The following TRAK2 variants were observed in gnomAD, a reference collection of about 807,000 sequenced individuals.
TRAK2 encodes the protein trafficking kinesin-binding protein 2.
Under a neutral mutation model 104.6 loss-of-function variants are expected in TRAK2, and 81 were observed. That is an observed-to-expected ratio of 0.77 (90% confidence interval 0.65 to 0.93). TRAK2 has a LOEUF of 0.93. Ranked by LOEUF, TRAK2 falls within the 40% of genes least tolerant of loss-of-function variation. The probability of loss-of-function intolerance (pLI) is 0.00; values close to 1 mark genes in which losing one functional copy is unlikely to be tolerated. For synonymous variants in TRAK2, 406 were observed against 394.4 expected (o/e 1.03, Z -0.35); for missense variants, 1,002 against 1,089.0 (o/e 0.92, Z 1.12).
chr2:201,389,216 G>C, intron 12 of TRAK2, 84 bp downstream of exon 12: 2 of 1,279,630 alleles, frequency 1.6e-6, no homozygotes, highest in Non-Finnish European at 2.3e-6. Flanking sequence ...TGGGACAGTA[G>C]AGTAATGCTG....
chr2:201,395,469 A>T (rs897614282), intron 7 of TRAK2, 25 bp from the exon 8 acceptor site: 15 of 1,491,678 alleles, frequency 1.0e-5, no homozygotes, highest in East Asian at 9.2e-5. Context: ...AAATTTTTTT[A>T]AATTAATACA....
At chr2:201,405,759 C>G (rs1372136585) in intron 3 of TRAK2, among the ~76,000 whole-genome samples, 2 of 152,114 alleles carry the variant, frequency 1.3e-5, no homozygotes, top group Non-Finnish European at 2.9e-5. Context: ...CCGAGGCAAG[C>G]AGATCACAAG....
At chr2:201,431,108 C>G (rs1388977204) in intron 1 of TRAK2, among the ~76,000 whole-genome samples, 1 of 152,144 alleles carries the variant, frequency 6.6e-6, no homozygotes, top group East Asian at 1.9e-4. Context: ...AAACTGTGCT[C>G]CTGCTAATAA....
At position 201,389,340 on chromosome 2, in the gene TRAK2, A is replaced by G; in HGVS notation, c.1357T>C (p.Ser453Pro). Residue 453 changes from serine to proline, a missense_variant, in exon 12 of 16, where the codon TCA (serine) becomes CCA (proline). Physicochemically the swap from Ser to Pro is moderately conservative, Grantham distance 74. Transcript: ENST00000332624. ...GAGCTGCTCCCCTGGTTCAGGAGTG[A>G]TTTGTCCTCTGTTTGCTGAAGACCA... ...ESGLQQTEDK[S>P]LLNQGSSSEE... The G allele has an allele frequency of 6.2e-7, 1 of 1,614,104 alleles. No homozygotes were observed. Among genetic ancestry groups the G allele is most frequent in the Non-Finnish European group, 8.5e-7 (1 of 1,180,032 alleles).
At chr2:201,401,228 ATGTG>A in intron 3 of TRAK2, 134 bp from the exon 4 acceptor site, 1 of 520,690 alleles carries the variant, frequency 1.9e-6, no homozygotes, top group Admixed American at 3.6e-5. Context: ...ATAAAAATAT[ATGTG>A]AAAAAAAAGA....
chr2:201,443,299 T>C (rs1180976260), intron 1 of TRAK2, among the ~76,000 whole-genome samples: 1 of 152,210 alleles, frequency 6.6e-6, no homozygotes, highest in Non-Finnish European at 1.5e-5. Flanking sequence ...TCTTAATTGT[T>C]ATCTGATGTC....
chr2:201,445,449 T>G (rs1951957648), intron 1 of TRAK2, among the ~76,000 whole-genome samples: 1 of 152,254 alleles, frequency 6.6e-6, no homozygotes, highest in South Asian at 2.1e-4. Context: ...GGGACAGCTC[T>G]AATGATCTGG....
intron 2 of TRAK2, among the ~76,000 whole-genome samples, chr2:201,420,201 G>C (rs776840707): frequency 6.6e-6 from 1 of 152,180 alleles, no homozygotes; most frequent in Non-Finnish European, 1.5e-5. Context: ...GGGTACAGGG[G>C]AGTCCGACAT....
At chr2:201,449,136 T>C (rs1237065633) in intron 1 of TRAK2, among the ~76,000 whole-genome samples, 1 of 152,180 alleles carries the variant, frequency 6.6e-6, no homozygotes, top group Non-Finnish European at 1.5e-5. Context: ...GAAATGGGAA[T>C]TGTAGGCAGA....
intron 1 of TRAK2, among the ~76,000 whole-genome samples, chr2:201,438,760 G>T (rs2125661695): frequency 6.6e-6 from 1 of 152,256 alleles, no homozygotes; most frequent in African/African-American, 2.4e-5. Flanking sequence ...CCAACCATTT[G>T]TTCTTGAGCA....
Position 201,420,469 on chromosome 2 carries a change from T to C in TRAK2, c.39A>G (p.Thr13=), listed in dbSNP as rs1363645188. The C allele has an allele frequency of 2.5e-6, 4 of 1,614,128 alleles. No homozygotes were observed. The highest frequency in any genetic ancestry group is 2.7e-5 in the African/African-American group (2 of 75,058). Reference sequence around the variant, plus strand: ...TGCTATTCATGAGGTTTTCTTCACCTGTTGGTGATGTAAAAATTGCATTCT... The same window carrying C: ...TGCTATTCATGAGGTTTTCTTCACCCGTTGGTGATGTAAAAATTGCATTCT... ...QSQNAIFTSP[T]GEENLMNSNH... is the part of the protein sequence containing the mutation. Residue 13 remains threonine (T), a synonymous_variant, in exon 2 of 16, where the codon ACA becomes ACG. Transcript: ENST00000332624.
rs371036202 is a variant in TRAK2 at position 201,401,215 on chromosome 2, A to T, written c.287-121T>A. ...AGCCTTTTACAAAAAGTCATTCAGG[A>T]GAATAAAAATATATGTGAAAAAAAA... On this transcript the variant is annotated intron_variant, in intron 3 of 15. Transcript: ENST00000332624. 4.8e-5 allele frequency: 27 copies of T among 562,142 alleles called. No homozygotes were observed. In the East Asian group the frequency reaches 7.6e-4, roughly 16 times the overall value. 34.8% of individuals were successfully genotyped at this position (562,142 alleles called of 1,614,324 possible). A position where few individuals can be genotyped will look rare whatever the true frequency, so the allele number is the denominator to read the frequency against.
chr2:201,387,845 C>T lies in TRAK2; in HGVS notation c.1554G>A (p.Lys518=), dbSNP rs1951406136. 1 of 1,614,196 alleles carries T rather than the reference C, an allele frequency of 6.2e-7. No individual in the cohort carries two copies. Among genetic ancestry groups the T allele is most frequent in the Non-Finnish European group, 8.5e-7 (1 of 1,180,022 alleles). ...GGGTGACACAGCCACTAACTCCTTCCTTCTGGTCTGCCAGAACCTGGATCT... is the reference window on the plus strand; with the variant it reads ...GGGTGACACAGCCACTAACTCCTTCTTTCTGGTCTGCCAGAACCTGGATCT... ...QRKIQVLADQ[K]EGVSGCVTPT... is the part of the protein sequence containing the mutation. The change falls in exon 13 of 16, where the codon AAG becomes AAA. Residue 518 remains lysine, a synonymous_variant. Coordinates refer to ENST00000332624, the MANE Select transcript of TRAK2 (RefSeq NM_015049.3).
At chr2:201,384,373 T>C (rs1192364035) in intron 14 of TRAK2, among the ~76,000 whole-genome samples, 157 bp from the exon 15 acceptor site, 1 of 152,206 alleles carries the variant, frequency 6.6e-6, no homozygotes, top group Non-Finnish European at 1.5e-5. Context: ...ATAAAGATTG[T>C]ACTAGTATCA....
intron 2 of TRAK2, chr2:201,412,579 G>T: frequency 7.1e-7 from 1 of 1,399,324 alleles, no homozygotes; most frequent in Non-Finnish European, 1.0e-6. Context: ...ATCACTGACT[G>T]TTTCACAGCT....
chr2:201,441,767 C>A (rs899520392), intron 1 of TRAK2, among the ~76,000 whole-genome samples: 1 of 151,182 alleles, frequency 6.6e-6, no homozygotes, highest in Non-Finnish European at 1.5e-5. Flanking sequence ...TCTCAGCTCA[C>A]TGCAACCTCC....
intron 1 of TRAK2, among the ~76,000 whole-genome samples, chr2:201,428,964 CTGTT>C (rs1951816823): frequency 6.6e-6 from 1 of 152,142 alleles, no homozygotes; most frequent in Non-Finnish European, 1.5e-5. Context: ...ATTTGGTTCT[CTGTT>C]TGTCTGTTAT....
At chr2:201,441,671 G>A (rs1951924533) in intron 1 of TRAK2, among the ~76,000 whole-genome samples, 1 of 151,384 alleles carries the variant, frequency 6.6e-6, no homozygotes, top group Non-Finnish European at 1.5e-5. Flanking sequence ...CCTCCAGACA[G>A]TGTGCTCTTT....
intron 1 of TRAK2, among the ~76,000 whole-genome samples, chr2:201,444,811 A>T (rs1248647502): frequency 6.6e-6 from 1 of 151,984 alleles, no homozygotes; most frequent in African/African-American, 2.4e-5. Flanking sequence ...GGAATATAAT[A>T]TGCCAGAAGC....
Sources: gnomAD v4.1 joint callset for allele counts (sites outside exome capture counted in the v4.1 genomes callset) on GRCh38, gnomAD v4.1.1 for gene constraint, MANE v1.5 for transcripts, NCBI Gene and HGNC (gene_info 2026-07-23, HGNC 2026-07-21) for gene names.